Variants in CAAP1 observed in about 807,000 individuals in gnomAD.
The protein encoded by CAAP1 is conserved anti-apoptotic protein.
In CAAP1, 20 loss-of-function variants were observed where a neutral mutation model predicts 34.0. The observed-to-expected ratio is 0.59, with a 90% CI of 0.41 to 0.86. The LOEUF (loss-of-function observed/expected upper bound fraction) is 0.86. CAAP1 is among the 40% of genes least tolerant of loss of function. CAAP1 has a pLI of 0.00. For missense variants in CAAP1, 538 were observed against 450.5 expected (o/e 1.19, Z -1.76); for synonymous variants, 213 against 166.7 (o/e 1.28, Z -2.14).
intron 4 of CAAP1, among the ~76,000 whole-genome samples, chr9:26,882,250 G>A (rs1823609261): frequency 6.6e-6 from 1 of 152,230 alleles, no homozygotes; most frequent in Non-Finnish European, 1.5e-5. Flanking sequence ...TAATCGCCAA[G>A]ACAATGGGGA....
intron 5 of CAAP1, among the ~76,000 whole-genome samples, chr9:26,859,497 T>C (rs1405321656): frequency 1.3e-5 from 2 of 152,176 alleles, no homozygotes; most frequent in Non-Finnish European, 2.9e-5. Context: ...CATTCTCTTC[T>C]CCTCAGATGA....
rs867771562 is a variant in CAAP1 at position 26,853,350 on chromosome 9, C to T, written c.739+7716G>A. ...CTTGTTTTTAGGGTGGGTGGGGAGT[C>T]ACAGAGGGATCTAGAATTTATTCAG... On this transcript the variant is annotated intron_variant, in intron 5 of 5. Transcript: ENST00000333916. 2.0e-5 allele frequency among the ~76,000 whole-genome samples: 3 copies of T among 152,112 alleles called. No individual in the cohort carries two copies. In the South Asian group the frequency reaches 6.2e-4, roughly 32 times the overall value.
intron 5 of CAAP1, among the ~76,000 whole-genome samples, chr9:26,858,809 G>A (rs1418936271): frequency 7.0e-6 from 1 of 143,626 alleles, no homozygotes; most frequent in Non-Finnish European, 1.5e-5. Context: ...GGCGACAGAG[G>A]GAGGCTCCAT....
chr9:26,875,682 A>C (rs896847802), intron 4 of CAAP1, among the ~76,000 whole-genome samples: 7 of 152,186 alleles, frequency 4.6e-5, no homozygotes, highest in Non-Finnish European at 8.8e-5. Context: ...TATATTAAAC[A>C]TTCAGGCAAA....
At chr9:26,884,735 A>G (rs1490373709) in intron 4 of CAAP1, 75 bp downstream of exon 4, 6 of 1,002,706 alleles carry the variant, frequency 6.0e-6, no homozygotes, top group Non-Finnish European at 7.7e-6. Context: ...AAAAACAATC[A>G]TATCTTTGAC....
At chr9:26,882,263 A>G (rs866107830) in intron 4 of CAAP1, among the ~76,000 whole-genome samples, 22 of 152,200 alleles carry the variant, frequency 1.4e-4, no homozygotes, top group African/African-American at 3.9e-4. Context: ...AATGGGGAAA[A>G]TGTCAGAGGT....
At chr9:26,868,040 T>C (rs1008945854) in intron 4 of CAAP1, among the ~76,000 whole-genome samples, 2 of 152,180 alleles carry the variant, frequency 1.3e-5, no homozygotes, top group African/African-American at 4.8e-5. Flanking sequence ...TGTGTACTAT[T>C]TGAATTTATC....
At chr9:26,849,725 T>G (rs1393045627) in intron 5 of CAAP1, among the ~76,000 whole-genome samples, 1 of 152,224 alleles carries the variant, frequency 6.6e-6, no homozygotes, top group Non-Finnish European at 1.5e-5. Context: ...TTAAATTAAG[T>G]GGGCTTAAAG....
At chr9:26,854,471 TGCTGGGTTCA>T (rs1390524101) in intron 5 of CAAP1, among the ~76,000 whole-genome samples, 1 of 150,418 alleles carries the variant, frequency 6.6e-6, no homozygotes, top group African/African-American at 2.5e-5. Flanking sequence ...CAAATTAGGA[TGCTGGGTTCA>T]GCTGAATGTA....
In CAAP1 at chr9:26,842,437, T is replaced by G. The variant is rs752477015; in HGVS notation, c.950A>C (p.Lys317Thr). 2.5e-6 allele frequency: 4 copies of G among 1,614,112 alleles called. No homozygotes were observed. Among genetic ancestry groups the G allele is most frequent in the Non-Finnish European group, 3.4e-6 (4 of 1,180,016 alleles). The change falls in exon 6 of 6, where the codon AAA (lysine) becomes ACA (threonine). Residue 317 changes from lysine to threonine, a missense_variant. Transcript: ENST00000333916. ...GLAESSPNEP[K>T]AATLAVPPPE... is the part of the protein sequence containing the mutation. ...TGGAGGAACAGCCAGGGTGGCTGCTTTGGGTTCGTTTGGGCTAGACTCTGC... is the reference window on the plus strand; with the variant it reads ...TGGAGGAACAGCCAGGGTGGCTGCTGTGGGTTCGTTTGGGCTAGACTCTGC...
At chr9:26,860,872 A>C (rs978704281) in intron 5 of CAAP1, among the ~76,000 whole-genome samples, 194 bp downstream of exon 5, 6 of 152,292 alleles carry the variant, frequency 3.9e-5, no homozygotes, top group African/African-American at 1.4e-4. Flanking sequence ...GGCTTCTGTA[A>C]CTAACTAAAC....
At chr9:26,863,474 G>A (rs914536485) in intron 4 of CAAP1, among the ~76,000 whole-genome samples, 1 of 151,924 alleles carries the variant, frequency 6.6e-6, no homozygotes, top group South Asian at 2.1e-4. Context: ...TGGCATAAAA[G>A]GCAAGATATT....
At chr9:26,887,778 A>G (rs755709314) in intron 1 of CAAP1, among the ~76,000 whole-genome samples, 16 of 152,172 alleles carry the variant, frequency 1.1e-4, no homozygotes, top group Non-Finnish European at 2.1e-4. Flanking sequence ...AATATTGAAT[A>G]ATTTCTTAAA....
At chr9:26,859,190 T>A (rs1338557383) in intron 5 of CAAP1, among the ~76,000 whole-genome samples, 1 of 152,076 alleles carries the variant, frequency 6.6e-6, no homozygotes, top group South Asian at 2.1e-4. Flanking sequence ...GGTTACAGGC[T>A]CCTAAGCATA....
At chr9:26,871,651 T>C (rs990432741) in intron 4 of CAAP1, among the ~76,000 whole-genome samples, 3 of 150,798 alleles carry the variant, frequency 2.0e-5, no homozygotes, top group African/African-American at 4.9e-5. Context: ...AGTCCAGGCA[T>C]GGTTGCTCAC....
Position 26,887,627 on chromosome 9 carries a change from A to T in CAAP1, c.304-114T>A, listed in dbSNP as rs1032500723. 4.3e-5 allele frequency: 28 copies of T among 645,392 alleles called. No homozygotes were observed. In the African/African-American group the frequency reaches 4.8e-4, roughly 11 times the overall value. The allele number at this position is 645,392 out of a possible 1,614,324, so 40.0% of individuals were successfully genotyped here. ...ATTCTTCTTCATCAAAAATTCCCAA[A>T]TTCTTTGCATAATTATTTATCAAAA... On this transcript the variant is annotated intron_variant, in intron 1 of 5. Transcript: ENST00000333916.
At chr9:26,892,184 T>A (rs1046052987) in intron 1 of CAAP1, 20 of 1,233,982 alleles carry the variant, frequency 1.6e-5, no homozygotes, top group Admixed American at 3.1e-5. Flanking sequence ...AAAAATAAAT[T>A]AAAAAAAAAG....
At chr9:26,863,764 G>A (rs1238107369) in intron 4 of CAAP1, among the ~76,000 whole-genome samples, 3 of 100,866 alleles carry the variant, frequency 3.0e-5, no homozygotes, top group African/African-American at 1.2e-4. Flanking sequence ...GCTCCCTTCC[G>A]TTTAAATTAA....
At chr9:26,851,264 T>G (rs1175244307) in intron 5 of CAAP1, among the ~76,000 whole-genome samples, 1 of 152,170 alleles carries the variant, frequency 6.6e-6, no homozygotes, top group African/African-American at 2.4e-5. Context: ...GAGATATTCA[T>G]AGATATATGA....
Sources: allele counts gnomAD v4.1 joint callset (sites outside exome capture counted in the v4.1 genomes callset), GRCh38; gene constraint gnomAD v4.1.1; transcripts MANE v1.5; gene names NCBI Gene and HGNC (gene_info 2026-07-23, HGNC 2026-07-21).